Variants in GOLGB1 observed in about 807,000 individuals in gnomAD.
GOLGB1 encodes the protein golgin B1, also known as golgin subfamily B member 1.
A neutral mutation model predicts 336.9 loss-of-function variants in GOLGB1; 174 were observed. The ratio of observed to expected loss-of-function variants is 0.52; its 90% CI spans 0.46 to 0.59. The LOEUF is 0.59. Ranked by LOEUF, GOLGB1 falls within the 20% of genes least tolerant of loss-of-function variation. GOLGB1 has a pLI of 0.00. For synonymous variants in GOLGB1, 1,208 were observed against 1,289.2 expected, an observed-to-expected ratio of 0.94 and a Z score of 1.35; for missense variants, 3,331 against 3,645.3, an observed-to-expected ratio of 0.91 and a Z score of 2.22.
chr3:121,745,510 G>GTATATATACATATGTATACGTGTATGTA lies in GOLGB1; in HGVS notation c.-3+4094_-3+4121dup, dbSNP rs1553890622. Among the ~76,000 whole-genome samples the GTATATATACATATGTATACGTGTATGTA allele has an allele frequency of 5.8e-3, 856 of 146,886 alleles. 19 individuals carry two copies. The highest frequency in any genetic ancestry group is 4.6e-3 in the Non-Finnish European group (309 of 66,872). On this transcript the variant is annotated intron_variant, in intron 1 of 21. Coordinates refer to ENST00000614479, the MANE Select transcript of GOLGB1 (RefSeq NM_001366282.2). ...TATATATACATATGTACACGTGTAT[G>GTATATATACATATGTATACGTGTATGTA]TATATATACATATGTATACGTGTAT...
intron 17 of GOLGB1, among the ~76,000 whole-genome samples, chr3:121,673,349 A>T (rs6783463): frequency 7.3e-6 from 1 of 137,064 alleles, no homozygotes; most frequent in Non-Finnish European, 1.6e-5. Flanking sequence ...GATTACAGGC[A>T]TAAGCCACCA....
chr3:121,741,049 G>A (rs1411900878), intron 1 of GOLGB1, among the ~76,000 whole-genome samples: 3 of 151,768 alleles, frequency 2.0e-5, no homozygotes, highest in African/African-American at 4.8e-5. Flanking sequence ...AAAAAAAAAT[G>A]AGTTACAAAT....
intron 1 of GOLGB1, among the ~76,000 whole-genome samples, chr3:121,732,428 G>A (rs1245191102): frequency 6.6e-6 from 1 of 152,032 alleles, no homozygotes; most frequent in Non-Finnish European, 1.5e-5. Context: ...GAAAACTAAA[G>A]ACCAATGTTC....
intron 9 of GOLGB1, 34 bp downstream of exon 9, chr3:121,716,703 G>C (rs1037308350): frequency 2.0e-6 from 3 of 1,528,394 alleles, no homozygotes; most frequent in Non-Finnish European, 2.7e-6. Context: ...TCAGATGGTA[G>C]AGATGTGGAC....
chr3:121,702,533 CT>C lies in GOLGB1; in HGVS notation c.1466del (p.Lys489ArgfsTer9). 2 of 1,552,280 alleles carry C rather than the reference CT, an allele frequency of 1.3e-6. No homozygotes were observed. The highest frequency in any genetic ancestry group is 8.7e-7 in the Non-Finnish European group (1 of 1,150,470). ...QKRVVELENE[K>X]GALLLSSIEL... ...CTATAGAACTAAGGAGCAAGGCTCC[CT>C]TTTCATTCTCTAGTTCTACCACTCT... On this transcript the variant is annotated frameshift_variant, in exon 11 of 22. Coordinates refer to ENST00000614479, the MANE Select transcript of GOLGB1 (RefSeq NM_001366282.2). LOFTEE classifies it high-confidence loss of function.
At chr3:121,681,179 T>C (rs1012718618) in intron 15 of GOLGB1, among the ~76,000 whole-genome samples, 2 of 152,202 alleles carry the variant, frequency 1.3e-5, no homozygotes, top group African/African-American at 4.8e-5. Flanking sequence ...ACAAAACTGA[T>C]GGATCTCAAG....
chr3:121,708,900 G>C (rs943841240), intron 10 of GOLGB1, among the ~76,000 whole-genome samples: 1 of 151,998 alleles, frequency 6.6e-6, no homozygotes, highest in African/African-American at 2.4e-5. Context: ...AAAAGGACTA[G>C]GCACTCCAAT....
intron 1 of GOLGB1, among the ~76,000 whole-genome samples, chr3:121,746,544 G>A (rs1287533177): frequency 3.3e-5 from 5 of 151,890 alleles, no homozygotes; most frequent in Admixed American, 6.6e-5. Flanking sequence ...GTGCAGTGGC[G>A]CGATCTCACT....
At chr3:121,678,916 G>A (rs907751356) in intron 15 of GOLGB1, among the ~76,000 whole-genome samples, 2 of 151,972 alleles carry the variant, frequency 1.3e-5, no homozygotes, top group African/African-American at 2.4e-5. Context: ...TCCCAAAAAT[G>A]AGGCTGCAAC....
Position 121,691,800 on chromosome 3 carries a change from T to G in GOLGB1, c.7564A>C (p.Ser2522Arg). The change falls in exon 14 of 22, where the codon AGT becomes CGT. Residue 2522 changes from serine (S) to arginine (R), a missense_variant. Ser to Arg is a moderately radical substitution (Grantham distance 110, BLOSUM62 -1). Transcript: ENST00000614479. ...KLKEEIRGLR[S>R]HMDDLNSENA... Reference sequence around the variant, plus strand: ...TCAGAATTGAGATCATCCATATGACTTCTCAAGCCTCGTATTTCTTCTTTA... The same window carrying G: ...TCAGAATTGAGATCATCCATATGACGTCTCAAGCCTCGTATTTCTTCTTTA... 6.2e-7 allele frequency: 1 copy of G among 1,613,978 alleles called. No homozygotes were observed. The highest frequency in any genetic ancestry group is 8.5e-7 in the Non-Finnish European group (1 of 1,179,890).
rs1940552804 is a variant in GOLGB1, at chr3:121,677,427, A to AT, written c.8896dup (p.Ile2966AsnfsTer3). Reference sequence around the variant, plus strand: ...CTGTTCCTTCATTCTCCTCTCATGTATTTCCCAGGAACTCTTCTCCATCCT... The same window carrying AT: ...CTGTTCCTTCATTCTCCTCTCATGTATTTTCCCAGGAACTCTTCTCCATCCT... On this transcript the variant is annotated frameshift_variant, in exon 16 of 22. Transcript: ENST00000614479. LOFTEE classifies it high-confidence loss of function. 6.2e-7 allele frequency: 1 copy of AT among 1,608,948 alleles called. No homozygotes were observed. Among genetic ancestry groups the AT allele is most frequent in the Non-Finnish European group, 8.5e-7 (1 of 1,175,726 alleles).
chr3:121,688,157 G>GCTCTCC (rs551841350), intron 14 of GOLGB1, among the ~76,000 whole-genome samples: 92 of 151,864 alleles, frequency 6.1e-4, no homozygotes, highest in African/African-American at 1.6e-3. Flanking sequence ...TAGAATTTTC[G>GCTCTCC]CTCTCCCTCT....
At chr3:121,704,882 A>C (rs1943685622) in intron 10 of GOLGB1, among the ~76,000 whole-genome samples, 1 of 151,928 alleles carries the variant, frequency 6.6e-6, no homozygotes, top group African/African-American at 2.4e-5. Context: ...AGACATTTTT[A>C]GATAAGAAAA....
intron 1 of GOLGB1, chr3:121,748,966 G>A (rs1183107776): frequency 1.0e-6 from 1 of 979,518 alleles, no homozygotes; most frequent in African/African-American, 1.8e-5. Context: ...ATTTTTCCTC[G>A]AGAACTCTCT....
At chr3:121,684,421 A>T (rs1397811640) in intron 14 of GOLGB1, among the ~76,000 whole-genome samples, 1 of 152,046 alleles carries the variant, frequency 6.6e-6, no homozygotes, top group Non-Finnish European at 1.5e-5. Flanking sequence ...ATTTCCAAAA[A>T]GCTGCTAGTA....
chr3:121,666,761 C>T (rs759761590), intron 20 of GOLGB1, among the ~76,000 whole-genome samples: 7 of 152,206 alleles, frequency 4.6e-5, no homozygotes, highest in Non-Finnish European at 8.8e-5. Flanking sequence ...CTGCTTTTAA[C>T]GATATTTTCC....
chr3:121,718,526 A>C, intron 7 of GOLGB1, 25 bp from the exon 8 acceptor site: 1 of 1,412,130 alleles, frequency 7.1e-7, no homozygotes, highest in Non-Finnish European at 1.0e-6. Context: ...TTTTAGACAT[A>C]ATATGCTAAC....
chr3:121,673,130 C>T (rs976139235), intron 17 of GOLGB1, among the ~76,000 whole-genome samples: 9 of 149,886 alleles, frequency 6.0e-5, no homozygotes, highest in Admixed American at 2.0e-4. Context: ...AGTGCAGTGG[C>T]GCGATCTCGG....
At chr3:121,685,438 G>C (rs1396787610) in intron 14 of GOLGB1, among the ~76,000 whole-genome samples, 1 of 152,052 alleles carries the variant, frequency 6.6e-6, no homozygotes, top group Non-Finnish European at 1.5e-5. Context: ...GGGAGGCTGA[G>C]GCAGAAGAAT....
Sources: allele counts gnomAD v4.1 joint callset (sites outside exome capture counted in the v4.1 genomes callset), GRCh38; gene constraint gnomAD v4.1.1; transcripts MANE v1.5; gene names NCBI Gene and HGNC (gene_info 2026-07-23, HGNC 2026-07-21).